The following MBNL2 variants were observed in gnomAD, a reference collection of about 807,000 sequenced individuals.
The protein encoded by MBNL2 is muscleblind like splicing regulator 2.
Under a neutral mutation model 41.9 loss-of-function variants are expected in MBNL2, and 17 were observed. The ratio of observed to expected loss-of-function variants is 0.41; its 90% confidence interval spans 0.28 to 0.61. The LOEUF (loss-of-function observed/expected upper bound fraction) is 0.61. Among genes scored for constraint, MBNL2 ranks in the 20% least tolerant of loss-of-function variants. The pLI is 0.35. For missense variants in MBNL2, 336 were observed against 505.6 expected (o/e 0.66, Z 3.22); for synonymous variants, 195 against 182.9 (o/e 1.07, Z -0.53).
intron 2 of MBNL2, among the ~76,000 whole-genome samples, chr13:97,296,055 A>G (rs994792300): frequency 3.3e-5 from 5 of 152,220 alleles, no homozygotes; most frequent in Admixed American, 6.5e-5. Context: ...ATATCTTATT[A>G]GGTTTTCTTA....
chr13:97,228,793 G>A (rs890320481), intron 1 of MBNL2, among the ~76,000 whole-genome samples: 18 of 152,168 alleles, frequency 1.2e-4, no homozygotes, highest in Admixed American at 1.2e-3. Context: ...GCCTCCCAGA[G>A]TGCTGGGATT....
chr13:97,300,113 C>T (rs372057929), intron 2 of MBNL2, among the ~76,000 whole-genome samples: 3 of 152,204 alleles, frequency 2.0e-5, no homozygotes, highest in South Asian at 2.1e-4. Flanking sequence ...GGAGAAAATG[C>T]GGGAGAGGAC....
At chr13:97,345,876 C>A (rs867434486) in intron 4 of MBNL2, among the ~76,000 whole-genome samples, 15 of 147,572 alleles carry the variant, frequency 1.0e-4, no homozygotes, top group East Asian at 2.0e-4. Flanking sequence ...TCCACACACA[C>A]AAAAAAAAAC....
the MBNL2 span, among the ~76,000 whole-genome samples, chr13:97,147,987 G>A: frequency 5.3e-5 from 8 of 152,166 alleles, no homozygotes; most frequent in Non-Finnish European, 8.8e-5. Flanking sequence ...AGAGTCAGAC[G>A]CCAGTCAATG....
intron 2 of MBNL2, among the ~76,000 whole-genome samples, chr13:97,321,551 C>A (rs1024829324): frequency 6.6e-6 from 1 of 152,154 alleles, no homozygotes; most frequent in Admixed American, 6.5e-5. Context: ...CCACAGCAGG[C>A]GATGGAGAAG....
At chr13:97,183,930 GTC>G in the MBNL2 span, among the ~76,000 whole-genome samples, 1 of 152,158 alleles carries the variant, frequency 6.6e-6, no homozygotes, top group African/African-American at 2.4e-5. Flanking sequence ...CAAATCCCCA[GTC>G]TCTTTTTTTC....
chr13:97,342,887 G>T, intron 3 of MBNL2, 129 bp from the exon 4 acceptor site: 1 of 587,228 alleles, frequency 1.7e-6, no homozygotes, highest in Non-Finnish European at 3.0e-6. Flanking sequence ...TTTATTATAG[G>T]TCAGCATTGA....
At chr13:97,340,289 A>G (rs1343900099) in intron 3 of MBNL2, among the ~76,000 whole-genome samples, 4 of 152,240 alleles carry the variant, frequency 2.6e-5, no homozygotes, top group Admixed American at 6.5e-5. Flanking sequence ...AACATATCCA[A>G]CTGCGTCTGT....
At chr13:97,295,683 G>A (rs907339757) in intron 2 of MBNL2, among the ~76,000 whole-genome samples, 9 of 152,156 alleles carry the variant, frequency 5.9e-5, no homozygotes, top group Admixed American at 5.2e-4. Flanking sequence ...TTTGATCCAT[G>A]CAGGAGATGA....
At chr13:97,175,854 T>C in the MBNL2 span, among the ~76,000 whole-genome samples, 1 of 152,186 alleles carries the variant, frequency 6.6e-6, no homozygotes, top group African/African-American at 2.4e-5. Context: ...CCTCCAGTGA[T>C]GTTTTAATGC....
intron 8 of MBNL2, among the ~76,000 whole-genome samples, chr13:97,386,074 T>C (rs2065898187): frequency 1.3e-5 from 2 of 152,218 alleles, no homozygotes; most frequent in Admixed American, 1.3e-4. Flanking sequence ...GTATTTTCTT[T>C]TTAGGTAGAG....
At chr13:97,232,892 C>CGT in intron 1 of MBNL2, among the ~76,000 whole-genome samples, 1 of 114,628 alleles carries the variant, frequency 8.7e-6, no homozygotes, top group Admixed American at 8.1e-5. Context: ...TGTGTGTGTG[C>CGT]GCACGTACAC....
the MBNL2 span, among the ~76,000 whole-genome samples, chr13:97,177,352 G>C: frequency 6.6e-6 from 1 of 152,050 alleles, no homozygotes; most frequent in Non-Finnish European, 1.5e-5. Context: ...AAAGAAAAAA[G>C]AGAAATAAGA....
the MBNL2 span, among the ~76,000 whole-genome samples, chr13:97,202,699 T>C: frequency 6.6e-6 from 1 of 152,186 alleles, no homozygotes. Flanking sequence ...AGTTTTCAAA[T>C]GCCATGCAGC....
intron 1 of MBNL2, among the ~76,000 whole-genome samples, chr13:97,261,817 A>G (rs555333585): frequency 6.6e-6 from 1 of 152,132 alleles, no homozygotes; most frequent in African/African-American, 2.4e-5. Context: ...TGCATCCCTC[A>G]CTTCCCACCT....
chr13:97,229,943 G>A (rs562260654), intron 1 of MBNL2, among the ~76,000 whole-genome samples: 1 of 152,290 alleles, frequency 6.6e-6, no homozygotes, highest in South Asian at 2.1e-4. Flanking sequence ...AAATGAAGGA[G>A]AAAGGGCAAA....
intron 2 of MBNL2, among the ~76,000 whole-genome samples, chr13:97,330,232 G>A (rs767255640): frequency 2.0e-5 from 3 of 152,190 alleles, no homozygotes; most frequent in African/African-American, 7.2e-5. Flanking sequence ...CATGTCCCAC[G>A]TGGGATGAGC....
intron 8 of MBNL2, among the ~76,000 whole-genome samples, chr13:97,380,653 G>A (rs895263713): frequency 3.3e-5 from 5 of 152,180 alleles, no homozygotes; most frequent in Non-Finnish European, 5.9e-5. Flanking sequence ...TACAGTCAGA[G>A]TCCTTATCAT....
chr13:97,271,586 G>C (rs11617901), intron 1 of MBNL2, among the ~76,000 whole-genome samples: 88,914 of 151,788 alleles, frequency 0.59, 26,517 homozygotes, highest in East Asian at 0.7. Context: ...CCCTCACCCC[G>C]TAAACCCCCA....
Sources: allele counts gnomAD v4.1 joint callset (sites outside exome capture counted in the v4.1 genomes callset), GRCh38; gene constraint gnomAD v4.1.1; transcripts MANE v1.5; gene names NCBI Gene and HGNC (gene_info 2026-07-23, HGNC 2026-07-21).